The following MMP26 variants were observed in gnomAD, a reference collection of about 807,000 sequenced individuals.
MMP26 encodes the protein matrix metallopeptidase 26, also known as matrix metalloproteinase-26.
A neutral mutation model predicts 31.0 loss-of-function variants in MMP26; 33 were observed. The observed-to-expected ratio is 1.06, with a 90% CI of 0.81 to 1.42. The LOEUF (loss-of-function observed/expected upper bound fraction) is 1.42. Among genes scored for constraint, MMP26 ranks in the 40% most tolerant of loss-of-function variants. The pLI is 0.00. For synonymous variants in MMP26, 122 were observed against 114.9 expected, an observed-to-expected ratio of 1.06 and a Z score of -0.40; for missense variants, 347 against 316.1, an observed-to-expected ratio of 1.10 and a Z score of -0.74.
intron 1 of MMP26, among the ~76,000 whole-genome samples, chr11:4,739,149 G>A (rs532645877): frequency 2.0e-3 from 300 of 152,294 alleles, no homozygotes; most frequent in Non-Finnish European, 2.5e-3. Flanking sequence ...ACAGAGGCCT[G>A]ATATAAGACA....
chr11:4,822,243 C>T, intron 2 of MMP26: 1 of 1,575,682 alleles, frequency 6.3e-7, no homozygotes, highest in Non-Finnish European at 8.6e-7. Flanking sequence ...CTCCATTTGT[C>T]CACATCATCA....
intron 2 of MMP26, among the ~76,000 whole-genome samples, chr11:4,874,466 A>G (rs1850352893): frequency 6.6e-6 from 1 of 152,026 alleles, no homozygotes. Context: ...TTCTTAAAGA[A>G]AGAGTTCTTA....
At chr11:4,956,491 T>G (rs1436696941) in intron 2 of MMP26, among the ~76,000 whole-genome samples, 3 of 152,180 alleles carry the variant, frequency 2.0e-5, no homozygotes, top group African/African-American at 7.2e-5. Flanking sequence ...TGGCAGGTAT[T>G]AGAGAGACAT....
chr11:4,722,216 C>T (rs1273026706), intron 1 of MMP26, among the ~76,000 whole-genome samples: 2 of 152,132 alleles, frequency 1.3e-5, no homozygotes, highest in Non-Finnish European at 2.9e-5. Flanking sequence ...GACTAACACA[C>T]CTTGTTTGTT....
At chr11:4,773,490 C>T (rs1848751995) in intron 2 of MMP26, among the ~76,000 whole-genome samples, 2 of 152,068 alleles carry the variant, frequency 1.3e-5, no homozygotes, top group African/African-American at 4.8e-5. Flanking sequence ...GAAGGATAGC[C>T]TTCCACAATA....
At chr11:4,865,630 G>A (rs779975106) in intron 2 of MMP26, among the ~76,000 whole-genome samples, 19 of 151,618 alleles carry the variant, frequency 1.3e-4, no homozygotes, top group African/African-American at 2.4e-4. Context: ...GTTCTTCTTC[G>A]CAGAGGAGTA....
Position 4,729,238 on chromosome 11 carries a change from A to G in MMP26, c.-217+24193A>G, listed in dbSNP as rs116228184. Among the ~76,000 whole-genome samples, 1,398 of 152,278 alleles carry G rather than the reference A, an allele frequency of 9.2e-3. 21 individuals carry two copies. Among genetic ancestry groups the G allele is most frequent in the African/African-American group, 0.032 (1,310 of 41,538 alleles). On this transcript the variant is annotated intron_variant, in intron 1 of 7. Coordinates refer to ENST00000380390, the MANE Select transcript of MMP26 (RefSeq NM_021801.5). ...AAAGTCAGAGTTTAAGCAGAAAATT[A>G]GAAGCCACTACAAATATTTTCAAAG...
intron 2 of MMP26, among the ~76,000 whole-genome samples, chr11:4,953,752 G>A (rs7120846): frequency 0.32 from 39,673 of 123,676 alleles, 13,553 homozygotes; most frequent in South Asian, 0.54. Flanking sequence ...GTAGGGTCTC[G>A]GAATATGTTC....
chr11:4,942,045 A>C (rs1846215194), intron 2 of MMP26, among the ~76,000 whole-genome samples: 1 of 137,884 alleles, frequency 7.3e-6, no homozygotes, highest in Non-Finnish European at 1.5e-5. Flanking sequence ...AGATCGTGCC[A>C]CTGTGCTCTG....
intron 2 of MMP26, among the ~76,000 whole-genome samples, chr11:4,780,708 A>G (rs1848846801): frequency 6.6e-6 from 1 of 152,156 alleles, no homozygotes; most frequent in African/African-American, 2.4e-5. Context: ...AACTTCACCT[A>G]GGTATTTACC....
intron 2 of MMP26, among the ~76,000 whole-genome samples, chr11:4,797,820 A>C (rs530018180): frequency 4.8e-4 from 73 of 152,194 alleles, no homozygotes; most frequent in Non-Finnish European, 4.7e-4. Context: ...AAAGTTTTTG[A>C]AAGACTTCTA....
chr11:4,992,202 C>A lies in MMP26; in HGVS notation c.758-12C>A, dbSNP rs202159009. 7.0e-7 allele frequency: 1 copy of A among 1,425,790 alleles called. No homozygotes were observed. The highest frequency in any genetic ancestry group is 9.7e-7 in the Non-Finnish European group (1 of 1,035,528). The allele number at this position is 1,425,790 out of a possible 1,614,324, so 88.3% of individuals were successfully genotyped here. ...TGAAATTTACTGTTGTTTTTTTTTT[C>A]TGTTTCCATAGGAGAAAAATGTTCA... is the stretch of plus-strand genomic sequence containing the variant. On this transcript the variant is annotated splice_polypyrimidine_tract_variant and intron_variant, in intron 7 of 7. Transcript: ENST00000380390.
intron 1 of MMP26, among the ~76,000 whole-genome samples, chr11:4,726,517 A>G (rs1459347447): frequency 6.6e-6 from 1 of 152,092 alleles, no homozygotes; most frequent in East Asian, 1.9e-4. Flanking sequence ...TTTGACCTTG[A>G]CAGCATTAAA....
intron 2 of MMP26, among the ~76,000 whole-genome samples, chr11:4,958,102 T>C (rs114789824): frequency 0.011 from 1,724 of 152,290 alleles, 34 homozygotes; most frequent in African/African-American, 0.04. Context: ...GTTGGGCCCA[T>C]GATGGCGCCA....
intron 2 of MMP26, among the ~76,000 whole-genome samples, chr11:4,854,850 C>T (rs1182609947): frequency 6.6e-6 from 1 of 152,168 alleles, no homozygotes; most frequent in Non-Finnish European, 1.5e-5. Flanking sequence ...GCTGGTTGCC[C>T]CTCTGAGACG....
At chr11:4,898,044 T>C (rs1402848989) in intron 2 of MMP26, among the ~76,000 whole-genome samples, 5 of 151,064 alleles carry the variant, frequency 3.3e-5, no homozygotes, top group African/African-American at 1.2e-4. Context: ...TCATTCCAGT[T>C]TCCTCCTTGT....
intron 2 of MMP26, among the ~76,000 whole-genome samples, chr11:4,986,511 A>ATTT (rs58016783): frequency 1.6e-4 from 5 of 31,608 alleles, no homozygotes; most frequent in African/African-American, 4.6e-4. Flanking sequence ...TGCCCAGTCG[A>ATTT]TTTTTTTTTT....
At chr11:4,870,536 A>G (rs952752620) in intron 2 of MMP26, among the ~76,000 whole-genome samples, 16 of 152,120 alleles carry the variant, frequency 1.1e-4, no homozygotes, top group African/African-American at 3.9e-4. Context: ...TACTAAGACA[A>G]ATAACTGAAA....
intron 2 of MMP26, chr11:4,804,432 A>G (rs1235101420): frequency 1.5e-6 from 2 of 1,346,882 alleles, no homozygotes; most frequent in Non-Finnish European, 2.1e-6. Context: ...TCTGCAGATG[A>G]TAACAATCAA....
Sources: gnomAD v4.1 joint callset for allele counts (sites outside exome capture counted in the v4.1 genomes callset) on GRCh38, gnomAD v4.1.1 for gene constraint, MANE v1.5 for transcripts, NCBI Gene and HGNC (gene_info 2026-07-23, HGNC 2026-07-21) for gene names.